The following PTPN2 variants were observed in gnomAD, a reference collection of about 807,000 sequenced individuals.
PTPN2 encodes protein tyrosine phosphatase non-receptor type 2.
Under a neutral mutation model 57.3 loss-of-function variants are expected in PTPN2, and 19 were observed. The ratio of observed to expected loss-of-function variants is 0.33; its 90% CI spans 0.23 to 0.49. The LOEUF is 0.49. Among genes scored for constraint, PTPN2 ranks in the 20% least tolerant of loss-of-function variants. PTPN2 has a pLI of 0.99. For synonymous variants in PTPN2, 153 were observed against 164.9 expected, an observed-to-expected ratio of 0.93 and a Z score of 0.55; for missense variants, 358 against 501.1, an observed-to-expected ratio of 0.71 and a Z score of 2.73.
At chr18:12,785,880 A>G (rs2040833070) in intron 9 of PTPN2, 1 of 1,549,934 alleles carries the variant, frequency 6.5e-7, no homozygotes, top group Non-Finnish European at 8.9e-7. Flanking sequence ...TATTCAATTC[A>G]TATTTACCAA....
rs571142389 is a variant in PTPN2, at chr18:12,842,340, AAAC to A, written c.161-5452_161-5450del. Among the ~76,000 whole-genome samples, 13 of 152,374 alleles carry A rather than the reference AAAC, an allele frequency of 8.5e-5. No homozygotes were observed. In the South Asian group the frequency reaches 2.7e-3, roughly 32 times the overall value. ...TCCAAAGGCCCATGAGACACCATGC[AAAC>A]AATGCGGACCAAATATCTATATTGG... On this transcript the variant is annotated intron_variant, in intron 2 of 8. Transcript: ENST00000309660.
At chr18:12,835,952 C>T (rs1022433953) in intron 3 of PTPN2, among the ~76,000 whole-genome samples, 1 of 152,082 alleles carries the variant, frequency 6.6e-6, no homozygotes, top group African/African-American at 2.4e-5. Flanking sequence ...GTAAAAAATG[C>T]ATTTTAGTTT....
At chr18:12,795,471 T>A (rs60735058) in intron 8 of PTPN2, among the ~76,000 whole-genome samples, 18,854 of 152,154 alleles carry the variant, frequency 0.12, 1,395 homozygotes, top group South Asian at 0.19. Context: ...TTTTTTTGTA[T>A]TTTTAGTGAG....
intron 2 of PTPN2, among the ~76,000 whole-genome samples, chr18:12,858,718 C>T (rs1337848400): frequency 6.6e-6 from 1 of 152,122 alleles, no homozygotes; most frequent in African/African-American, 2.4e-5. Context: ...GTTCCTTATA[C>T]TCTTCTCTGT....
At chr18:12,842,616 C>T (rs1413206630) in intron 2 of PTPN2, among the ~76,000 whole-genome samples, 5 of 152,090 alleles carry the variant, frequency 3.3e-5, no homozygotes, top group Non-Finnish European at 7.3e-5. Flanking sequence ...TAAGGTGGTA[C>T]ATACCTAACA....
chr18:12,807,378 TTAAAAGATTAAAAATAGAAC>T (rs1264734610), intron 7 of PTPN2, among the ~76,000 whole-genome samples: 1 of 151,544 alleles, frequency 6.6e-6, no homozygotes. Context: ...TAAAGGTTCC[TTAAAAGATTAAAAATAGAAC>T]TATCATATGA....
chr18:12,873,301 CT>C (rs2044335632), intron 1 of PTPN2, among the ~76,000 whole-genome samples: 1 of 151,780 alleles, frequency 6.6e-6, no homozygotes, highest in Non-Finnish European at 1.5e-5. Context: ...CACGGTCTCC[CT>C]CTCCCTCTCT....
Position 12,827,342 on chromosome 18 carries a change from C to CA in PTPN2, c.361-1399dup, listed in dbSNP as rs200266093. 7.7e-3 allele frequency among the ~76,000 whole-genome samples: 1,045 copies of CA among 136,582 alleles called. 8 individuals are homozygous for CA. The highest frequency in any genetic ancestry group is 0.041 in the East Asian group (187 of 4,570). 89.6% of individuals were successfully genotyped at this position (136,582 alleles called of 152,430 possible). A position where few individuals can be genotyped will look rare whatever the true frequency, so the allele number is the denominator to read the frequency against. On this transcript the variant is annotated intron_variant, in intron 4 of 8. Transcript: ENST00000309660. ...TGGGCGACAGAGCGAGACTCCGTCT[C>CA]AAAAAAAAAAAAAAATAATAATAAT...
chr18:12,831,761 T>C (rs573545620), intron 3 of PTPN2, among the ~76,000 whole-genome samples: 1 of 152,276 alleles, frequency 6.6e-6, no homozygotes, highest in African/African-American at 2.4e-5. Flanking sequence ...ACGGCCTCAA[T>C]GGAAGAGTAT....
intron 1 of PTPN2, among the ~76,000 whole-genome samples, chr18:12,869,278 G>C (rs1192039710): frequency 6.6e-6 from 1 of 152,220 alleles, no homozygotes; most frequent in African/African-American, 2.4e-5. Context: ...AGGGGCTCAA[G>C]TGATCCCCCC....
chr18:12,866,472 C>CAAAACAA (rs1309712805), intron 1 of PTPN2, among the ~76,000 whole-genome samples: 1 of 137,968 alleles, frequency 7.2e-6, no homozygotes, highest in Non-Finnish European at 1.5e-5. Context: ...CAAAACAAAA[C>CAAAACAA]AAAACAAAAA....
rs2145212805 is a variant in PTPN2 at position 12,792,831 on chromosome 18, T to A, written c.*1447A>T. 1.3e-6 allele frequency: 1 copy of A among 794,472 alleles called. No individual in the cohort carries two copies. 49.2% of individuals were successfully genotyped at this position (794,472 alleles called of 1,614,324 possible). A position where few individuals can be genotyped will look rare whatever the true frequency, so the allele number is the denominator to read the frequency against. ...GTCTTGAACTCCTGACCTCAGGTGA[T>A]CTGCCCACTTCAGCCTCCCAAAGTG... is the stretch of plus-strand genomic sequence containing the variant. On this transcript the variant is annotated 3_prime_UTR_variant, in exon 9 of 9. Coordinates refer to ENST00000309660, the MANE Select transcript of PTPN2 (RefSeq NM_002828.4).
chr18:12,859,676 T>C (rs1442239406), intron 1 of PTPN2, among the ~76,000 whole-genome samples: 1 of 152,238 alleles, frequency 6.6e-6, no homozygotes, highest in African/African-American at 2.4e-5. Context: ...CATATTCAAA[T>C]TCTGACTAAA....
At chr18:12,870,228 TAC>T (rs2044140943) in intron 1 of PTPN2, among the ~76,000 whole-genome samples, 1 of 143,884 alleles carries the variant, frequency 7.0e-6, no homozygotes, top group Non-Finnish European at 1.5e-5. Context: ...AGGTAGCAGA[TAC>T]AGATAGGAAT....
chr18:12,795,152 C>A (rs145940348), intron 8 of PTPN2, among the ~76,000 whole-genome samples: 1 of 152,136 alleles, frequency 6.6e-6, no homozygotes, highest in Non-Finnish European at 1.5e-5. Context: ...ATTTCCTGGT[C>A]ACGTTTGATG....
At chr18:12,830,657 T>C (rs965171103) in intron 4 of PTPN2, among the ~76,000 whole-genome samples, 5 of 152,116 alleles carry the variant, frequency 3.3e-5, no homozygotes, top group African/African-American at 7.2e-5. Flanking sequence ...TTATTGACAA[T>C]AGGTCAATAA....
intron 3 of PTPN2, 65 bp from the exon 4 acceptor site, chr18:12,831,106 G>T (rs1036804899): frequency 1.3e-5 from 15 of 1,150,722 alleles, no homozygotes; most frequent in Non-Finnish European, 1.8e-5. Flanking sequence ...CTCCAGGAAG[G>T]CCTTGTTAAG....
At chr18:12,855,280 G>A (rs1409299330) in intron 2 of PTPN2, among the ~76,000 whole-genome samples, 1 of 152,148 alleles carries the variant, frequency 6.6e-6, no homozygotes, top group Non-Finnish European at 1.5e-5. Context: ...AGGTAAGAAA[G>A]GAAGTGGGGG....
chr18:12,815,616 T>C (rs2042050520), intron 6 of PTPN2, among the ~76,000 whole-genome samples: 1 of 152,112 alleles, frequency 6.6e-6, no homozygotes, highest in African/African-American at 2.4e-5. Context: ...AGGGAACAGG[T>C]GTCATTAACA....
Sources: gnomAD v4.1 joint callset for allele counts (sites outside exome capture counted in the v4.1 genomes callset) on GRCh38, gnomAD v4.1.1 for gene constraint, MANE v1.5 for transcripts, NCBI Gene and HGNC (gene_info 2026-07-23, HGNC 2026-07-21) for gene names.